GABRR3: variants seen among roughly 807,000 people sequenced by gnomAD.
GABRR3 encodes gamma-aminobutyric acid type A receptor subunit rho3, also known as gamma-aminobutyric acid receptor subunit rho-3.
A neutral mutation model predicts 43.2 loss-of-function variants in GABRR3; 29 were observed. That is an observed-to-expected ratio of 0.67 (90% CI 0.50 to 0.92). GABRR3 has a LOEUF of 0.92. Ranked by LOEUF, GABRR3 falls within the 40% of genes least tolerant of loss-of-function variation. The probability of loss-of-function intolerance (pLI) is 0.00; values close to 1 mark genes in which losing one functional copy is unlikely to be tolerated. For missense variants in GABRR3, 576 were observed against 572.3 expected, an observed-to-expected ratio of 1.01 and a Z score of -0.07; for synonymous variants, 206 against 195.9, an observed-to-expected ratio of 1.05 and a Z score of -0.43.
At chr3:98,007,692 G>T in intron 7 of GABRR3, 72 bp downstream of exon 7, 1 of 1,538,722 alleles carries the variant, frequency 6.5e-7, no homozygotes, top group Middle Eastern at 1.7e-4. Context: ...CGGTCTTTTC[G>T]CATGTTGTGG....
intron 2 of GABRR3, 150 bp from the exon 3 acceptor site, chr3:98,025,829 T>A (rs1438593297): frequency 1.1e-5 from 6 of 557,572 alleles, no homozygotes; most frequent in Non-Finnish European, 1.9e-5. Context: ...CAAAGAGCTG[T>A]CAACATTTGT....
intron 2 of GABRR3, 132 bp downstream of exon 2, chr3:98,034,731 A>G (rs1707129943): frequency 1.9e-6 from 2 of 1,061,514 alleles, no homozygotes; most frequent in Admixed American, 2.2e-5. Context: ...CATGAATGCT[A>G]TCTCTAGAGA....
chr3:98,009,023 G>A, exon 6 of GABRR3: 1 of 1,605,082 alleles, frequency 6.2e-7, no homozygotes, highest in Non-Finnish European at 8.5e-7. Context: ...TAAAGCACAT[G>A]GCCGAAACCG....
intron 7 of GABRR3, 49 bp downstream of exon 7, chr3:98,007,715 A>G: frequency 6.2e-7 from 1 of 1,604,310 alleles, no homozygotes; most frequent in Non-Finnish European, 8.5e-7. Flanking sequence ...CTTTGCAAAC[A>G]GTAGATGTCC....
At chr3:98,034,910 G>A in exon 2 of GABRR3, 1 of 1,613,198 alleles carries the variant, frequency 6.2e-7, no homozygotes, top group Non-Finnish European at 8.5e-7. Flanking sequence ...TCATCTTGAT[G>A]TTAGAAGCAG....
At chr3:97,986,939 A>G (rs1263840479) in exon 10 of GABRR3, 5 of 1,611,500 alleles carry the variant, frequency 3.1e-6, no homozygotes, top group Non-Finnish European at 4.2e-6. Flanking sequence ...ACAACCATCA[A>G]AGGCCATAGC....
chr3:98,035,087 T>A (rs832070), intron 1 of GABRR3, 98 bp from the exon 2 acceptor site: 26 of 1,395,762 alleles, frequency 1.9e-5, no homozygotes, highest in African/African-American at 2.9e-5. Context: ...AAACAGCATG[T>A]CAGGGGAAAT....
Position 98,034,990 on chromosome 3 carries a change from C to A in GABRR3, c.-2-1G>T, listed in dbSNP as rs755112434. The A allele has an allele frequency of 6.2e-6, 10 of 1,611,098 alleles. No individual in the cohort carries two copies. The highest frequency in any genetic ancestry group is 8.5e-6 in the Non-Finnish European group (10 of 1,178,334). On this transcript the variant is annotated splice_acceptor_variant, in intron 1 of 9. Coordinates refer to ENST00000621172, the Ensembl canonical transcript of GABRR3. LOFTEE classifies it low-confidence loss of function (5UTR_SPLICE). ...ACTAACTGGAAAGCCAGGACCATCTCTTCCAAAACAAAAAAACAGAAAGGA... is the reference window on the plus strand; with the variant it reads ...ACTAACTGGAAAGCCAGGACCATCTATTCCAAAACAAAAAAACAGAAAGGA...
chr3:98,017,998 A>G (rs1366440006), intron 3 of GABRR3, among the ~76,000 whole-genome samples: 1 of 109,356 alleles, frequency 9.1e-6, no homozygotes, highest in Non-Finnish European at 1.9e-5. Context: ...TGGTGCCTCC[A>G]GTTTTCTTTT....
intron 4 of GABRR3, among the ~76,000 whole-genome samples, chr3:98,016,036 G>C: frequency 6.6e-6 from 1 of 152,190 alleles, no homozygotes; most frequent in Non-Finnish European, 1.5e-5. Context: ...GGCAGCAGGA[G>C]AGAGAGCATG....
At chr3:97,998,026 G>A (rs926427239) in intron 8 of GABRR3, 2 of 151,746 alleles carry the variant, frequency 1.3e-5, no homozygotes, top group Middle Eastern at 6.8e-3. Flanking sequence ...ATGCAAAGAT[G>A]AAATACATAG....
In GABRR3 at chr3:98,032,944, G is replaced by A. The variant is rs567460085; in HGVS notation, c.125+1919C>T. ...CGGGTGCTGGGCAAAGAACCTCACA[G>A]TATCTATTCACATACTAAGGTAGGA... is the stretch of plus-strand genomic sequence containing the variant. On this transcript the variant is annotated intron_variant, in intron 2 of 9. Coordinates refer to ENST00000621172, the Ensembl canonical transcript of GABRR3. 2.6e-5 allele frequency among the ~76,000 whole-genome samples: 4 copies of A among 152,246 alleles called. No individual in the cohort carries two copies. In the East Asian group the frequency reaches 7.7e-4, roughly 29 times the overall value.
intron 7 of GABRR3, among the ~76,000 whole-genome samples, chr3:98,005,079 C>T (rs954094801): frequency 1.3e-5 from 2 of 151,810 alleles, no homozygotes; most frequent in African/African-American, 2.4e-5. Context: ...TTCCAAAATG[C>T]CTCCCTTCGG....
chr3:97,996,518 T>A (rs1277380909), intron 8 of GABRR3, among the ~76,000 whole-genome samples: 2 of 152,176 alleles, frequency 1.3e-5, no homozygotes, highest in Non-Finnish European at 2.9e-5. Flanking sequence ...GCCTGAAAAC[T>A]TCGGTTGTCT....
chr3:98,014,093 C>T (rs1177223290), intron 4 of GABRR3, among the ~76,000 whole-genome samples: 1 of 152,104 alleles, frequency 6.6e-6, no homozygotes, highest in East Asian at 1.9e-4. Context: ...AAAACCAACA[C>T]TAGGGGGAAG....
At chr3:97,985,805 C>T (rs1033698833), downstream of GABRR3, among the ~76,000 whole-genome samples, 3 of 151,840 alleles carry the variant, frequency 2.0e-5, no homozygotes, top group African/African-American at 7.3e-5. Flanking sequence ...AGTTTAGCTT[C>T]CCCTCTCCAC....
At chr3:97,999,209 G>T (rs1706600617) in intron 8 of GABRR3, 1 of 152,048 alleles carries the variant, frequency 6.6e-6, no homozygotes, top group Non-Finnish European at 1.5e-5. Context: ...TTTTTTCCGT[G>T]ATGTAAGGGT....
At chr3:98,034,746 C>T (rs921094843) in intron 2 of GABRR3, 117 bp downstream of exon 2, 11 of 1,238,370 alleles carry the variant, frequency 8.9e-6, no homozygotes, top group Non-Finnish European at 1.3e-5. Flanking sequence ...TAGAGACAGA[C>T]ATGGTTACAA....
chr3:98,020,247 C>T (rs559938437), intron 3 of GABRR3, among the ~76,000 whole-genome samples: 69 of 152,094 alleles, frequency 4.5e-4, no homozygotes, highest in African/African-American at 1.5e-3. Context: ...CTCAGTTTAC[C>T]TGATTTATAA....
Sources: gnomAD v4.1 joint callset for allele counts (sites outside exome capture counted in the v4.1 genomes callset) on GRCh38, gnomAD v4.1.1 for gene constraint, MANE v1.5 for transcripts, NCBI Gene and HGNC (gene_info 2026-07-23, HGNC 2026-07-21) for gene names.